SDK1: variants seen among roughly 807,000 people sequenced by gnomAD.
The protein encoded by SDK1 is protein sidekick-1.
In SDK1, 157 loss-of-function variants were observed where a neutral mutation model predicts 245.5. The observed-to-expected ratio is 0.64, with a 90% confidence interval of 0.56 to 0.73. The LOEUF (loss-of-function observed/expected upper bound fraction) is 0.73. Among genes scored for constraint, SDK1 ranks in the 30% least tolerant of loss-of-function variants. SDK1 has a pLI of 0.00. For synonymous variants in SDK1, 1,647 were observed against 1,278.5 expected (o/e 1.29, Z -6.15); for missense variants, 3,583 against 3,002.3 (o/e 1.19, Z -4.52).
At chr7:4,088,986 C>G (rs1781609190) in intron 22 of SDK1, among the ~76,000 whole-genome samples, 1 of 151,376 alleles carries the variant, frequency 6.6e-6, no homozygotes, top group South Asian at 2.1e-4. Flanking sequence ...GTGAGACCCT[C>G]CCTCAGGTGG....
chr7:4,254,538 T>A (rs960282607), intron 44 of SDK1, among the ~76,000 whole-genome samples: 6 of 152,156 alleles, frequency 3.9e-5, no homozygotes, highest in African/African-American at 1.4e-4. Context: ...TTAAACATGG[T>A]CTCCTTTAGT....
At chr7:3,807,659 C>T (rs1259550001) in intron 4 of SDK1, among the ~76,000 whole-genome samples, 1 of 152,090 alleles carries the variant, frequency 6.6e-6, no homozygotes, top group Non-Finnish European at 1.5e-5. Flanking sequence ...TGCACAGATT[C>T]CTCTCCCTGG....
At chr7:3,319,481 T>C (rs997819440) in intron 1 of SDK1, among the ~76,000 whole-genome samples, 5 of 152,226 alleles carry the variant, frequency 3.3e-5, no homozygotes, top group African/African-American at 1.2e-4. Context: ...CAAGCTGGCT[T>C]ACCTTTTAGA....
At chr7:3,310,727 G>C (rs967911999) in intron 1 of SDK1, among the ~76,000 whole-genome samples, 1 of 152,150 alleles carries the variant, frequency 6.6e-6, no homozygotes, top group Non-Finnish European at 1.5e-5. Flanking sequence ...GGAGGGTCTG[G>C]GCTTTTGGTA....
intron 22 of SDK1, among the ~76,000 whole-genome samples, chr7:4,099,022 T>C (rs921046009): frequency 1.3e-5 from 2 of 151,778 alleles, no homozygotes; most frequent in African/African-American, 4.8e-5. Flanking sequence ...AGAATTGTTG[T>C]AATGATCTAT....
Position 4,245,813 on chromosome 7 carries a change from TC to T in SDK1, c.6381+9del. 3 of 1,613,628 alleles carry T rather than the reference TC, an allele frequency of 1.9e-6. No homozygotes were observed. Among genetic ancestry groups the T allele is most frequent in the Non-Finnish European group, 2.5e-6 (3 of 1,179,850 alleles). On this transcript the variant is annotated intron_variant, in intron 44 of 44. Coordinates refer to ENST00000404826, the MANE Select transcript of SDK1 (RefSeq NM_152744.4). ...GATGCATCAGAATCTGAGGTCAGTG[TC>T]GGTGCCTACTTCCGGGCAGTGACCA... is the stretch of plus-strand genomic sequence containing the variant.
intron 1 of SDK1, among the ~76,000 whole-genome samples, chr7:3,442,000 C>CA (rs1344035597): frequency 6.6e-6 from 1 of 152,122 alleles, no homozygotes; most frequent in East Asian, 1.9e-4. Flanking sequence ...AGCAGCTCTC[C>CA]ACAAGCATCC....
rs1045807326 is a variant in SDK1 at position 3,769,852 on chromosome 7, C to T, written c.714-51598C>T. 1.1e-4 allele frequency among the ~76,000 whole-genome samples: 16 copies of T among 151,750 alleles called. 1 individual carries two copies. Among genetic ancestry groups the T allele is most frequent in the Admixed American group, 1.1e-3 (16 of 15,234 alleles). On this transcript the variant is annotated intron_variant, in intron 4 of 44. Coordinates refer to ENST00000404826, the MANE Select transcript of SDK1 (RefSeq NM_152744.4). ...AGTCCTGGGGTCCCTAGCCAGTTTT[C>T]CTGCTTGTTCACAATAGGTACTAAT...
At chr7:3,386,054 C>G (rs764576459) in intron 1 of SDK1, among the ~76,000 whole-genome samples, 15 of 151,658 alleles carry the variant, frequency 9.9e-5, no homozygotes, top group African/African-American at 3.6e-4. Flanking sequence ...CTCAAATAAA[C>G]GATGGGAAAA....
intron 1 of SDK1, among the ~76,000 whole-genome samples, chr7:3,331,350 G>A (rs1780064640): frequency 6.6e-6 from 1 of 152,160 alleles, no homozygotes; most frequent in East Asian, 1.9e-4. Context: ...CCTAATAAGT[G>A]TGAAGTGGTA....
At chr7:3,699,979 G>A (rs1784693396) in intron 4 of SDK1, among the ~76,000 whole-genome samples, 1 of 107,260 alleles carries the variant, frequency 9.3e-6, no homozygotes, top group Non-Finnish European at 1.9e-5. Flanking sequence ...ACATATAGGG[G>A]GAAACAATTT....
At chr7:4,215,326 C>T (rs1216100470) in intron 38 of SDK1, among the ~76,000 whole-genome samples, 4 of 152,218 alleles carry the variant, frequency 2.6e-5, no homozygotes, top group African/African-American at 9.6e-5. Flanking sequence ...TCTCCCTTCT[C>T]CTGAGTCCAG....
chr7:4,087,315 A>G (rs553110922), intron 22 of SDK1, among the ~76,000 whole-genome samples: 1 of 152,136 alleles, frequency 6.6e-6, no homozygotes, highest in Non-Finnish European at 1.5e-5. Context: ...TTAAATTCTC[A>G]TACGCACTTT....
At chr7:3,424,774 G>A (rs1779630929) in intron 1 of SDK1, among the ~76,000 whole-genome samples, 1 of 152,046 alleles carries the variant, frequency 6.6e-6, no homozygotes, top group Non-Finnish European at 1.5e-5. Context: ...GCGTGCACCT[G>A]TAGTCCTAGC....
rs1471621737 is a variant in SDK1, at chr7:4,213,031, A to G, written c.5539+2869A>G. ...GCTGGGCGCAGGGGCCTGTAATCCC[A>G]GCACTTTGGGAGGCCGAGGTGGGCG... On this transcript the variant is annotated intron_variant, in intron 38 of 44. Coordinates refer to ENST00000404826, the MANE Select transcript of SDK1 (RefSeq NM_152744.4). Among the ~76,000 whole-genome samples the G allele has an allele frequency of 4.6e-5, 7 of 152,198 alleles. No individual in the cohort carries two copies. In the East Asian group the frequency reaches 1.4e-3, roughly 29 times the overall value.
At chr7:4,022,431 G>A (rs997365531) in intron 17 of SDK1, among the ~76,000 whole-genome samples, 2 of 152,150 alleles carry the variant, frequency 1.3e-5, no homozygotes, top group Non-Finnish European at 2.9e-5. Flanking sequence ...CCGAATGCCC[G>A]GGAAAGATGG....
chr7:4,247,590 G>A (rs760553408), intron 44 of SDK1, among the ~76,000 whole-genome samples: 1 of 152,228 alleles, frequency 6.6e-6, no homozygotes, highest in Non-Finnish European at 1.5e-5. Flanking sequence ...CGCCGGCCTC[G>A]GGCCTGTCCC....
At chr7:3,985,916 C>G (rs1783793372) in intron 13 of SDK1, among the ~76,000 whole-genome samples, 1 of 151,984 alleles carries the variant, frequency 6.6e-6, no homozygotes, top group Non-Finnish European at 1.5e-5. Flanking sequence ...GTGTTCTGAC[C>G]TGTGTGGGTC....
chr7:3,468,614 G>C (rs1385827443), intron 1 of SDK1, among the ~76,000 whole-genome samples: 3 of 150,942 alleles, frequency 2.0e-5, no homozygotes, highest in African/African-American at 7.4e-5. Context: ...ATTCCAGAGA[G>C]TGTCCTCCCT....
Sources: gnomAD v4.1 joint callset for allele counts (sites outside exome capture counted in the v4.1 genomes callset) on GRCh38, gnomAD v4.1.1 for gene constraint, MANE v1.5 for transcripts, NCBI Gene and HGNC (gene_info 2026-07-23, HGNC 2026-07-21) for gene names.